Variants in MTHFS observed in about 807,000 individuals in gnomAD.
MTHFS encodes the protein 5-formyltetrahydrofolate cyclo-ligase.
MTHFS carries 7 observed loss-of-function variants against 12.7 expected under a neutral mutation model. The ratio of observed to expected loss-of-function variants is 0.55; its 90% confidence interval spans 0.31 to 1.03. The LOEUF (loss-of-function observed/expected upper bound fraction) is 1.03. Among genes scored for constraint, MTHFS ranks in the 50% least tolerant of loss-of-function variants. MTHFS has a pLI of 0.05. For missense variants in MTHFS, 252 were observed against 258.1 expected (o/e 0.98, Z 0.16); for synonymous variants, 100 against 97.1 (o/e 1.03, Z -0.18).
chr15:79,859,950 T>C (rs1283536341), intron 2 of MTHFS, among the ~76,000 whole-genome samples: 1 of 151,760 alleles, frequency 6.6e-6, no homozygotes, highest in Non-Finnish European at 1.5e-5. Flanking sequence ...ATGATTTATA[T>C]AAACTCAAGT....
chr15:79,882,033 C>G (rs145173887), intron 2 of MTHFS, among the ~76,000 whole-genome samples: 4 of 152,192 alleles, frequency 2.6e-5, no homozygotes, highest in Non-Finnish European at 5.9e-5. Context: ...ATGGCATGTG[C>G]GATGTGCAAA....
intron 1 of MTHFS, among the ~76,000 whole-genome samples, chr15:79,892,613 A>T (rs1275056642): frequency 1.3e-5 from 2 of 152,218 alleles, no homozygotes; most frequent in Admixed American, 1.3e-4. Flanking sequence ...GTCTTTTCTT[A>T]CATATTCAAT....
chr15:79,890,601 A>G (rs1295466465), intron 1 of MTHFS, among the ~76,000 whole-genome samples: 1 of 152,180 alleles, frequency 6.6e-6, no homozygotes, highest in Non-Finnish European at 1.5e-5. Flanking sequence ...TACTTTTCTT[A>G]TTCTTTATAA....
intron 2 of MTHFS, among the ~76,000 whole-genome samples, chr15:79,875,726 T>G (rs1566994482): frequency 6.6e-6 from 1 of 152,056 alleles, no homozygotes; most frequent in African/African-American, 2.4e-5. Context: ...TACATAGGAC[T>G]CCATCAAAAT....
In MTHFS at chr15:79,889,325, G is replaced by T; in HGVS notation, c.147C>A (p.Ser49=). 6.2e-7 allele frequency: 1 copy of T among 1,613,920 alleles called. No individual in the cohort carries two copies. Among genetic ancestry groups the T allele is most frequent in the Non-Finnish European group, 8.5e-7 (1 of 1,179,950 alleles). The change falls in exon 2 of 3, where the codon TCC becomes TCA. Residue 49 remains serine, a synonymous_variant. Coordinates refer to ENST00000258874, the MANE Select transcript of MTHFS (RefSeq NM_006441.4). ...TGCTCAGAAAGATGGAAATTCTTTT[G>T]GACTTTTGATACTCACTGTGGGCAA... The part of the protein sequence containing the change: ...KVIAHSEYQK[S]KRISIFLSMQ...
chr15:79,889,475 G>C lies in MTHFS; in HGVS notation c.118-121C>G, dbSNP rs978911132. 2.7e-5 allele frequency: 33 copies of C among 1,216,744 alleles called. No individual in the cohort carries two copies. The South Asian group carries it at 3.9e-4, about 14-fold the overall frequency. The allele number at this position is 1,216,744 out of a possible 1,614,324, so 75.4% of individuals were successfully genotyped here. A position where few individuals can be genotyped will look rare whatever the true frequency, so the allele number is the denominator to read the frequency against. On this transcript the variant is annotated intron_variant, in intron 1 of 2. Transcript: ENST00000258874. ...TTTAAATATTAAAAAGAAAAAAAAA[G>C]GGGGGGGGACCAGAGTGATATAGTG... is the stretch of plus-strand genomic sequence containing the variant.
At chr15:79,849,812 G>A (rs17284899) in intron 2 of MTHFS, among the ~76,000 whole-genome samples, 1,716 of 152,364 alleles carry the variant, frequency 0.011, 21 homozygotes, top group Non-Finnish European at 0.018. Flanking sequence ...GGTTTGTTGA[G>A]TGTTTTTCTC....
At chr15:79,860,518 G>A (rs765085681) in intron 2 of MTHFS, among the ~76,000 whole-genome samples, 4 of 151,940 alleles carry the variant, frequency 2.6e-5, no homozygotes, top group East Asian at 1.9e-4. Context: ...ATAAATTCCC[G>A]GAAAGAAATG....
chr15:79,850,341 G>A (rs1256971726), intron 2 of MTHFS, among the ~76,000 whole-genome samples: 1 of 152,162 alleles, frequency 6.6e-6, no homozygotes, highest in Non-Finnish European at 1.5e-5. Flanking sequence ...CAAAAAAAGA[G>A]GAAGAAAACC....
intron 2 of MTHFS, among the ~76,000 whole-genome samples, chr15:79,871,873 G>A (rs1022001618): frequency 2.0e-5 from 3 of 152,054 alleles, no homozygotes; most frequent in Non-Finnish European, 2.9e-5. Context: ...TTGGGAGGCC[G>A]AGGCATGGAT....
At chr15:79,871,558 A>G (rs1321270961) in intron 2 of MTHFS, among the ~76,000 whole-genome samples, 2 of 151,772 alleles carry the variant, frequency 1.3e-5, no homozygotes, top group East Asian at 3.9e-4. Context: ...TTAGTGTTCA[A>G]TTTCCACTTT....
chr15:79,853,413 A>G lies in MTHFS; in HGVS notation c.380-7971T>C, dbSNP rs145802946. 7.6e-3 allele frequency among the ~76,000 whole-genome samples: 1,151 copies of G among 152,252 alleles called. 6 individuals are homozygous for G. The highest frequency in any genetic ancestry group is 0.02 in the Middle Eastern group (6 of 294). On this transcript the variant is annotated intron_variant, in intron 2 of 2. Transcript: ENST00000258874. The stretch of plus-strand genomic sequence containing the variant: ...CATAACAACCATTACTAGCTAAGAA[A>G]CATTAGTAAAGTTACTGAAATTCTC...
chr15:79,869,709 C>T (rs2034070746), intron 2 of MTHFS, among the ~76,000 whole-genome samples: 1 of 152,154 alleles, frequency 6.6e-6, no homozygotes, highest in Non-Finnish European at 1.5e-5. Context: ...GCTGGGATAA[C>T]AGGCATGAGC....
chr15:79,888,392 GA>G (rs1276120540), intron 2 of MTHFS, among the ~76,000 whole-genome samples: 4 of 152,222 alleles, frequency 2.6e-5, no homozygotes, highest in Admixed American at 6.5e-5. Flanking sequence ...AGATTTTAAG[GA>G]GGGGAGAGAA....
intron 1 of MTHFS, 94 bp from the exon 2 acceptor site, chr15:79,889,448 T>A: frequency 6.8e-6 from 8 of 1,170,392 alleles, no homozygotes; most frequent in Non-Finnish European, 6.9e-6. Flanking sequence ...TTCTCCAATT[T>A]CTTTAAATAT....
intron 2 of MTHFS, among the ~76,000 whole-genome samples, chr15:79,885,932 G>A (rs2034374969): frequency 6.6e-6 from 1 of 152,172 alleles, no homozygotes; most frequent in Non-Finnish European, 1.5e-5. Flanking sequence ...TCTCATTTTT[G>A]CTTAAGCCCG....
At chr15:79,866,990 G>GA (rs34085909) in intron 2 of MTHFS, among the ~76,000 whole-genome samples, 64,886 of 147,232 alleles carry the variant, frequency 0.44, 14,089 homozygotes, top group Middle Eastern at 0.49. Context: ...AAAAAGAAAA[G>GA]AAAAAAAAAA....
At chr15:79,895,472 A>G (rs2034551718) in intron 1 of MTHFS, among the ~76,000 whole-genome samples, 1 of 152,182 alleles carries the variant, frequency 6.6e-6, no homozygotes, top group African/African-American at 2.4e-5. Flanking sequence ...TAGAGCAACA[A>G]TCATATCTTT....
chr15:79,848,329 T>C (rs1424020938), intron 2 of MTHFS, among the ~76,000 whole-genome samples: 1 of 152,200 alleles, frequency 6.6e-6, no homozygotes, highest in African/African-American at 2.4e-5. Flanking sequence ...GAATGATGGT[T>C]ACCAGGCGCA....
Sources: gnomAD v4.1 joint callset for allele counts (sites outside exome capture counted in the v4.1 genomes callset) on GRCh38, gnomAD v4.1.1 for gene constraint, MANE v1.5 for transcripts, NCBI Gene and HGNC (gene_info 2026-07-23, HGNC 2026-07-21) for gene names.